TRPC5: variants seen among roughly 807,000 people sequenced by gnomAD.
The protein encoded by TRPC5 is transient receptor potential cation channel subfamily C member 5.
In TRPC5, 9 loss-of-function variants were observed where a neutral mutation model predicts 56.5. The ratio of observed to expected loss-of-function variants is 0.16; its 90% CI spans 0.10 to 0.28. The LOEUF is 0.28. Among genes scored for constraint, TRPC5 ranks in the 10% least tolerant of loss-of-function variants. The probability of loss-of-function intolerance (pLI) is 1.00; values close to 1 mark genes in which losing one functional copy is unlikely to be tolerated. For missense variants in TRPC5, 469 were observed against 748.9 expected, an observed-to-expected ratio of 0.63 and a Z score of 4.36; for synonymous variants, 282 against 278.5, an observed-to-expected ratio of 1.01 and a Z score of -0.13.
At chrX:112,053,718 A>G (rs1328362315) in intron 1 of TRPC5, among the ~76,000 whole-genome samples, 2 of 111,071 alleles carry the variant, frequency 1.8e-5, no homozygotes, top group East Asian at 5.7e-4. Flanking sequence ...GTGTGTGTAT[A>G]AAATAATTTC....
intron 3 of TRPC5, among the ~76,000 whole-genome samples, chrX:111,860,969 T>G (rs1355716708): frequency 9.2e-6 from 1 of 109,245 alleles, no homozygotes; most frequent in East Asian, 2.8e-4. Context: ...AATAGAACTT[T>G]AGATTATCAT....
At chrX:111,893,815 A>G (rs1220699291) in intron 3 of TRPC5, among the ~76,000 whole-genome samples, 1 of 111,840 alleles carries the variant, frequency 8.9e-6, no homozygotes, top group Non-Finnish European at 1.9e-5. Flanking sequence ...GCACACAGTT[A>G]TTTTTTTAAA....
chrX:111,909,354 A>AT (rs1471507259), intron 3 of TRPC5, among the ~76,000 whole-genome samples: 95 of 106,609 alleles, frequency 8.9e-4, no homozygotes, highest in Admixed American at 1.9e-3. Flanking sequence ...AAATAAATAA[A>AT]TAAATTAATT....
At chrX:111,835,644 C>T (rs1013733271) in intron 6 of TRPC5, among the ~76,000 whole-genome samples, 4 of 111,201 alleles carry the variant, frequency 3.6e-5, no homozygotes, top group Non-Finnish European at 5.7e-5. Flanking sequence ...AAAAATTAGC[C>T]GGGCATGGTG....
At chrX:111,870,198 A>G (rs1342551624) in intron 3 of TRPC5, among the ~76,000 whole-genome samples, 2 of 111,576 alleles carry the variant, frequency 1.8e-5, no homozygotes, top group East Asian at 2.8e-4. Context: ...GTGGTCCACA[A>G]TCCCTTTTAC....
chrX:111,788,532 G>C (rs11798330), intron 7 of TRPC5, among the ~76,000 whole-genome samples: 5 of 111,487 alleles, frequency 4.5e-5, no homozygotes, highest in Non-Finnish European at 1.9e-5. Flanking sequence ...CTCACCACTC[G>C]TATTCAACAT....
chrX:111,781,069 T>C lies in TRPC5; in HGVS notation c.2142+96A>G, dbSNP rs181193577. The C allele has an allele frequency of 2.9e-5, 25 of 865,790 alleles. No homozygotes were observed. The African/African-American group carries it at 4.2e-4, about 14-fold the overall frequency. The allele number at this position is 865,790 out of a possible 1,213,427, so 71.4% of individuals were successfully genotyped here. On this transcript the variant is annotated intron_variant, in intron 9 of 10. Coordinates refer to ENST00000262839, the MANE Select transcript of TRPC5 (RefSeq NM_012471.3). ...TTCCAAGCCTCCTATCCCAGTCAAA[T>C]GGGATCGTGTCCAGACACAGCCAGA...
intron 3 of TRPC5, among the ~76,000 whole-genome samples, chrX:111,889,579 A>G (rs185050285): frequency 3.8e-4 from 43 of 112,407 alleles, no homozygotes; most frequent in Non-Finnish European, 7.3e-4. Flanking sequence ...TGTCAAGCAT[A>G]TAAAGCAATG....
At position 112,047,526 on chromosome X, in the gene TRPC5, C is replaced by T. The variant is rs776058524; in HGVS notation, c.-22+34353G>A. Among the ~76,000 whole-genome samples the T allele has an allele frequency of 2.7e-3, 302 of 111,794 alleles. 1 individual carries two copies. Among genetic ancestry groups the T allele is most frequent in the Non-Finnish European group, 4.6e-3 (244 of 53,167 alleles). Reference sequence around the variant, plus strand: ...CTGTGGTGTATAGTAGATATGACCTCGTCACAGCAGTGAATACAGTGTTAT... The same window carrying T: ...CTGTGGTGTATAGTAGATATGACCTTGTCACAGCAGTGAATACAGTGTTAT... On this transcript the variant is annotated intron_variant, in intron 1 of 10. Coordinates refer to ENST00000262839, the MANE Select transcript of TRPC5 (RefSeq NM_012471.3).
chrX:112,049,374 C>A (rs938714251), intron 1 of TRPC5, among the ~76,000 whole-genome samples: 1 of 108,528 alleles, frequency 9.2e-6, no homozygotes, highest in Admixed American at 1.0e-4. Context: ...GGCACCAAGG[C>A]AGGAACTGAG....
intron 7 of TRPC5, among the ~76,000 whole-genome samples, chrX:111,806,327 A>G (rs1192729019): frequency 8.9e-6 from 1 of 112,390 alleles, no homozygotes; most frequent in Non-Finnish European, 1.9e-5. Flanking sequence ...AAGGGTATGG[A>G]CAAGGTGTTG....
intron 3 of TRPC5, among the ~76,000 whole-genome samples, chrX:111,884,416 C>T (rs1198046415): frequency 8.9e-6 from 1 of 112,448 alleles, no homozygotes; most frequent in East Asian, 2.8e-4. Context: ...GGGCCCAAGC[C>T]TAATTAAAGG....
chrX:112,000,920 T>C (rs372828625), intron 1 of TRPC5, among the ~76,000 whole-genome samples: 1 of 112,233 alleles, frequency 8.9e-6, no homozygotes, highest in African/African-American at 3.2e-5. Flanking sequence ...TTCTGCCCTT[T>C]TGAATGCCAC....
intron 1 of TRPC5, among the ~76,000 whole-genome samples, chrX:111,980,456 A>T (rs1928047886): frequency 1.8e-5 from 2 of 111,383 alleles, no homozygotes; most frequent in South Asian, 7.5e-4. Flanking sequence ...GCAGTTTCTT[A>T]TATGTTCTAT....
chrX:111,903,553 A>T (rs1303554161), intron 3 of TRPC5: 3 of 112,479 alleles, frequency 2.7e-5, no homozygotes, highest in Non-Finnish European at 3.8e-5. Context: ...ATGGAGAATT[A>T]TTAACTAGTT....
intron 7 of TRPC5, among the ~76,000 whole-genome samples, chrX:111,797,219 T>C (rs1921128367): frequency 8.9e-6 from 1 of 112,342 alleles, no homozygotes; most frequent in African/African-American, 3.2e-5. Context: ...ACAGGGATTG[T>C]TAAACTTGAT....
At chrX:112,043,088 A>G (rs1221216457) in intron 1 of TRPC5, among the ~76,000 whole-genome samples, 2 of 111,919 alleles carry the variant, frequency 1.8e-5, no homozygotes, top group Non-Finnish European at 3.8e-5. Flanking sequence ...ATACAAATGC[A>G]TCATTTAGAA....
At chrX:111,838,723 A>G (rs1202216867) in intron 6 of TRPC5, among the ~76,000 whole-genome samples, 1 of 111,830 alleles carries the variant, frequency 8.9e-6, no homozygotes, top group Admixed American at 9.5e-5. Context: ...CAAATCCATA[A>G]CAGGTGGTTA....
intron 2 of TRPC5, among the ~76,000 whole-genome samples, chrX:111,929,075 G>A (rs929014895): frequency 8.0e-5 from 9 of 112,038 alleles, no homozygotes; most frequent in Non-Finnish European, 1.7e-4. Flanking sequence ...GTTAATAGGG[G>A]ATAAGAATCT....
Sources: allele counts gnomAD v4.1 joint callset (sites outside exome capture counted in the v4.1 genomes callset), GRCh38; gene constraint gnomAD v4.1.1; transcripts MANE v1.5; gene names NCBI Gene and HGNC (gene_info 2026-07-23, HGNC 2026-07-21).